Variants in CADPS observed in about 807,000 individuals in gnomAD.
CADPS encodes calcium-dependent secretion activator 1.
CADPS carries 57 observed loss-of-function variants against 167.3 expected under a neutral mutation model. That is an observed-to-expected ratio of 0.34 (90% CI 0.28 to 0.42). The LOEUF (loss-of-function observed/expected upper bound fraction) is 0.42, where lower values mean the gene tolerates loss of function less well. Ranked by LOEUF, CADPS falls within the 20% of genes least tolerant of loss-of-function variation. The pLI, the probability that CADPS is intolerant of heterozygous loss-of-function variation, is 1.00. For synonymous variants in CADPS, 676 were observed against 635.3 expected (o/e 1.06, Z -0.96); for missense variants, 1,414 against 1,738.1 (o/e 0.81, Z 3.32).
intron 1 of CADPS, among the ~76,000 whole-genome samples, chr3:62,833,692 T>C (rs1220133151): frequency 6.6e-6 from 1 of 152,004 alleles, no homozygotes; most frequent in Non-Finnish European, 1.5e-5. Context: ...TGCTTTCAAA[T>C]CCTCCATTAG....
intron 1 of CADPS, chr3:62,779,523 C>G: frequency 1.9e-6 from 1 of 536,804 alleles, no homozygotes; most frequent in South Asian, 1.4e-5. Flanking sequence ...CTTGGCCCAT[C>G]ATGTGGCTGC....
intron 1 of CADPS, among the ~76,000 whole-genome samples, chr3:62,829,566 T>C (rs1279835579): frequency 6.6e-6 from 1 of 152,116 alleles, no homozygotes; most frequent in East Asian, 1.9e-4. Flanking sequence ...ACGCACAGCA[T>C]TTGTCTACCT....
intron 6 of CADPS, among the ~76,000 whole-genome samples, chr3:62,637,051 G>A (rs1257049314): frequency 6.6e-6 from 1 of 152,056 alleles, no homozygotes; most frequent in Non-Finnish European, 1.5e-5. Context: ...AGTACCATGT[G>A]GAGTTCAGTG....
At chr3:62,680,477 G>T (rs1360398365) in intron 3 of CADPS, among the ~76,000 whole-genome samples, 3 of 152,080 alleles carry the variant, frequency 2.0e-5, no homozygotes, top group Non-Finnish European at 4.4e-5. Flanking sequence ...TTCTCTCATT[G>T]TCACACACAT....
chr3:62,703,913 C>T (rs899642151), intron 3 of CADPS, among the ~76,000 whole-genome samples: 11 of 152,164 alleles, frequency 7.2e-5, no homozygotes, highest in Admixed American at 2.0e-4. Flanking sequence ...AAAGTTCCCT[C>T]ATCTGTAATA....
intron 3 of CADPS, among the ~76,000 whole-genome samples, chr3:62,699,157 T>A (rs1216864492): frequency 6.6e-6 from 1 of 151,972 alleles, no homozygotes; most frequent in Non-Finnish European, 1.5e-5. Context: ...ATCGTATCAT[T>A]CTCATGCCTT....
intron 28 of CADPS, among the ~76,000 whole-genome samples, chr3:62,426,852 G>A (rs2052808509): frequency 6.6e-6 from 1 of 151,692 alleles, no homozygotes; most frequent in Non-Finnish European, 1.5e-5. Flanking sequence ...CAGATCATGA[G>A]GTCAGGAGAT....
intron 1 of CADPS, among the ~76,000 whole-genome samples, chr3:62,839,537 T>C (rs1461959147): frequency 2.7e-5 from 4 of 150,790 alleles, no homozygotes; most frequent in Admixed American, 6.6e-5. Flanking sequence ...GGATCAGGAG[T>C]GGTGAGAAGT....
intron 11 of CADPS, among the ~76,000 whole-genome samples, chr3:62,540,334 A>C (rs2075477156): frequency 6.6e-6 from 1 of 152,038 alleles, no homozygotes; most frequent in African/African-American, 2.4e-5. Context: ...ACACATACAT[A>C]AAATTGAATC....
At chr3:62,709,421 T>G (rs1004165849) in intron 3 of CADPS, among the ~76,000 whole-genome samples, 5 of 152,204 alleles carry the variant, frequency 3.3e-5, no homozygotes, top group African/African-American at 1.2e-4. Flanking sequence ...TTTTGTTTTG[T>G]TTTGTTTAAT....
At position 62,704,311 on chromosome 3, in the gene CADPS, C is replaced by T. The variant is rs193140559; in HGVS notation, c.889-41917G>A. ...TCATTACCCTCACAGAATATTCCTT[C>T]CCTGCTCTCTGAATCTGTTCCACCA... is the stretch of plus-strand genomic sequence containing the variant. On this transcript the variant is annotated intron_variant, in intron 3 of 29. Coordinates refer to ENST00000383710, the MANE Select transcript of CADPS (RefSeq NM_003716.4). Among the ~76,000 whole-genome samples, 21 of 152,204 alleles carry T rather than the reference C, an allele frequency of 1.4e-4. 1 individual carries two copies. Among genetic ancestry groups the T allele is most frequent in the Admixed American group, 1.2e-3 (19 of 15,288 alleles).
rs370584429 is a variant in CADPS, at chr3:62,414,794, G to A, written c.3778-11609C>T. ...TAGAGGCCACATCAAAACTCTTCTC[G>A]GGCCTACCTGTTCTTGACCTCCAGG... On this transcript the variant is annotated intron_variant, in intron 28 of 29. Transcript: ENST00000383710. Among the ~76,000 whole-genome samples, 16 of 152,282 alleles carry A rather than the reference G, an allele frequency of 1.1e-4. No homozygotes were observed. The East Asian group carries it at 1.9e-3, about 18-fold the overall frequency.
chr3:62,715,373 C>CTACCTACCTATCTATCTAT, intron 3 of CADPS, among the ~76,000 whole-genome samples: 5 of 134,608 alleles, frequency 3.7e-5, no homozygotes, highest in African/African-American at 1.4e-4. Context: ...TATCTATCTA[C>CTACCTACCTATCTATCTAT]CTATCTATCT....
chr3:62,846,450 A>G (rs1312911979), intron 1 of CADPS, among the ~76,000 whole-genome samples: 1 of 152,190 alleles, frequency 6.6e-6, no homozygotes, highest in Non-Finnish European at 1.5e-5. Context: ...TAATATTCCA[A>G]TTCTATCATT....
intron 1 of CADPS, among the ~76,000 whole-genome samples, chr3:62,839,445 T>C (rs79918204): frequency 0.01 from 1,546 of 152,160 alleles, 23 homozygotes; most frequent in South Asian, 0.062. Flanking sequence ...GCAGAAAGTA[T>C]ATGCAAAGGT....
intron 12 of CADPS, among the ~76,000 whole-genome samples, chr3:62,535,505 C>G (rs9784313): frequency 0.71 from 107,843 of 151,600 alleles, 39,080 homozygotes; most frequent in Middle Eastern, 0.79. Flanking sequence ...TCAATAATAT[C>G]TTAACCCTAC....
intron 4 of CADPS, among the ~76,000 whole-genome samples, chr3:62,651,806 C>G (rs1402815893): frequency 1.3e-5 from 2 of 152,172 alleles, no homozygotes; most frequent in African/African-American, 4.8e-5. Flanking sequence ...CCTTCCCAAA[C>G]AGTCATTTAC....
At chr3:62,448,628 G>T (rs552977503) in intron 26 of CADPS, among the ~76,000 whole-genome samples, 41 of 151,792 alleles carry the variant, frequency 2.7e-4, no homozygotes, top group African/African-American at 7.7e-4. Context: ...TTTTGGGGGG[G>T]GGTGGTATGG....
chr3:62,856,965 T>G (rs2079821768), intron 1 of CADPS, among the ~76,000 whole-genome samples: 1 of 151,502 alleles, frequency 6.6e-6, no homozygotes, highest in Non-Finnish European at 1.5e-5. Context: ...CCAGGAATTA[T>G]AAAGAGGAAA....
Sources: gnomAD v4.1 joint callset for allele counts (sites outside exome capture counted in the v4.1 genomes callset) on GRCh38, gnomAD v4.1.1 for gene constraint, MANE v1.5 for transcripts, NCBI Gene and HGNC (gene_info 2026-07-23, HGNC 2026-07-21) for gene names.